The following MILR1 variants were observed in gnomAD, a reference collection of about 807,000 sequenced individuals.
MILR1 encodes mast cell immunoglobulin like receptor 1.
MILR1 carries 31 observed loss-of-function variants against 18.5 expected under a neutral mutation model. The observed-to-expected ratio is 1.68, with a 90% CI of 1.26 to 2.26. The LOEUF (loss-of-function observed/expected upper bound fraction) is 2.26. Ranked by LOEUF, MILR1 falls within the 30% of genes most tolerant of loss-of-function variation. The probability of loss-of-function intolerance (pLI) is 0.00; values close to 1 mark genes in which losing one functional copy is unlikely to be tolerated. For synonymous variants in MILR1, 85 were observed against 56.2 expected, an observed-to-expected ratio of 1.51 and a Z score of -2.30; for missense variants, 257 against 157.4, an observed-to-expected ratio of 1.63 and a Z score of -3.38.
the MILR1 span, among the ~76,000 whole-genome samples, chr17:64,497,240 T>A: frequency 6.6e-6 from 1 of 152,238 alleles, no homozygotes; most frequent in African/African-American, 2.4e-5. Context: ...TCTTTCCTCG[T>A]AAGCACCAGT....
chr17:64,452,782 GC>G lies in MILR1; in HGVS notation c.286del (p.His96MetfsTer30). 2.1e-6 allele frequency: 1 copy of G among 475,200 alleles called. No individual in the cohort carries two copies. The highest frequency in any genetic ancestry group is 3.9e-6 in the Non-Finnish European group (1 of 259,028). 29.4% of individuals were successfully genotyped at this position (475,200 alleles called of 1,614,324 possible). A position where few individuals can be genotyped will look rare whatever the true frequency, so the allele number is the denominator to read the frequency against. On this transcript the variant is annotated frameshift_variant, in exon 3 of 10. Coordinates refer to ENST00000619286, the MANE Select transcript of MILR1 (RefSeq NM_001085423.2). LOFTEE classifies it high-confidence loss of function. ...PAIFNLSITE[A>X]HESGPYKCKA... ...GATTTTTAACCTAAGCATCACAGAA[GC>G]CCATGAATCAGGCCCCTACAAATGC...
At chr17:64,481,213 T>C in the MILR1 span, 20 of 909,516 alleles carry the variant, frequency 2.2e-5, no homozygotes, top group Non-Finnish European at 2.5e-5. Context: ...AGGAGCTTCC[T>C]AGCTTATAAG....
At chr17:64,464,332 A>ACTC (rs1210859007) in intron 5 of MILR1, among the ~76,000 whole-genome samples, 3 of 136,098 alleles carry the variant, frequency 2.2e-5, no homozygotes, top group African/African-American at 8.3e-5. Flanking sequence ...CTAGTCTTGA[A>ACTC]CTCCTGGACT....
chr17:64,485,392 G>C, the MILR1 span: 1 of 301,982 alleles, frequency 3.3e-6, no homozygotes, highest in Non-Finnish European at 6.3e-6. Context: ...CCTGATCCGG[G>C]TCTTTCTTCC....
At chr17:64,480,384 A>T in the MILR1 span, 16 of 1,509,782 alleles carry the variant, frequency 1.1e-5, no homozygotes, top group Admixed American at 2.5e-4. Flanking sequence ...ATAGCCCTTG[A>T]CAAACCTAGA....
At chr17:64,470,839 G>C (rs1409066251), downstream of MILR1, among the ~76,000 whole-genome samples, 3 of 152,172 alleles carry the variant, frequency 2.0e-5, no homozygotes, top group East Asian at 5.8e-4. Flanking sequence ...ATCTTCTAAG[G>C]CAGCTAAGAG....
the MILR1 span, chr17:64,485,853 T>C: frequency 6.2e-7 from 1 of 1,614,154 alleles, no homozygotes; most frequent in Non-Finnish European, 8.5e-7. Flanking sequence ...ACCACATTTT[T>C]TCGTCCATCT....
Position 64,465,544 on chromosome 17 carries a change from A to C in MILR1, c.853+3A>C. The C allele has an allele frequency of 6.2e-7, 1 of 1,603,044 alleles. No homozygotes were observed. Among genetic ancestry groups the C allele is most frequent in the South Asian group, 1.1e-5 (1 of 88,680 alleles). On this transcript the variant is annotated splice_donor_region_variant and intron_variant, in intron 6 of 9. Transcript: ENST00000619286. The stretch of plus-strand genomic sequence containing the variant: ...AAATATCCTTGAAAAACAAGCAAGT[A>C]AGAGAACTTTGTTGCGTGTTTTGGG...
chr17:64,472,500 A>G (rs2037705132), downstream of MILR1, among the ~76,000 whole-genome samples: 1 of 145,314 alleles, frequency 6.9e-6, no homozygotes, highest in Admixed American at 6.9e-5. Flanking sequence ...AAAAAAAAGA[A>G]TAACTAGGGA....
In MILR1 at chr17:64,466,474, CCG is replaced by C. The variant is rs782330132; in HGVS notation, c.887_888del (p.Pro296LeufsTer8). The C allele has an allele frequency of 9.9e-6, 16 of 1,613,800 alleles. No individual in the cohort carries two copies. Among genetic ancestry groups the C allele is most frequent in the Non-Finnish European group, 1.4e-5 (16 of 1,179,810 alleles). On this transcript the variant is annotated frameshift_variant, in exon 7 of 10. Transcript: ENST00000619286. LOFTEE classifies it high-confidence loss of function. The part of the protein sequence containing the change: ...EESVPEVGSR[P>X]CVSTAQDEAK... Reference sequence around the variant, plus strand: ...ATCTGTGCCAGAAGTGGGATCCAGGCCGTGTGTTTCCACAGCCCAAGATGGTG... The same window carrying C: ...ATCTGTGCCAGAAGTGGGATCCAGGCTGTGTTTCCACAGCCCAAGATGGTG...
chr17:64,491,576 G>A, the MILR1 span: 3 of 1,552,000 alleles, frequency 1.9e-6, no homozygotes, highest in South Asian at 2.2e-5. Context: ...TCAAACTAGG[G>A]GAGCTGCCAA....
chr17:64,466,865 G>T (rs1333041790), intron 8 of MILR1, among the ~76,000 whole-genome samples: 1 of 152,110 alleles, frequency 6.6e-6, no homozygotes, highest in African/African-American at 2.4e-5. Context: ...AGGGAAAGAT[G>T]TGGTGGGGGA....
chr17:64,474,640 A>G, the MILR1 span, among the ~76,000 whole-genome samples: 2 of 151,734 alleles, frequency 1.3e-5, no homozygotes, highest in Admixed American at 1.3e-4. Flanking sequence ...CTCCCAAAGT[A>G]TTGGGATTAC....
At chr17:64,467,448 A>G (rs2037599555) in intron 8 of MILR1, 117 bp from the exon 9 acceptor site, 2 of 646,212 alleles carry the variant, frequency 3.1e-6, no homozygotes, top group Non-Finnish European at 5.5e-6. Context: ...ACAGTCCAGG[A>G]AAAAATTAGT....
chr17:64,484,731 C>A, the MILR1 span, among the ~76,000 whole-genome samples: 1 of 152,222 alleles, frequency 6.6e-6, no homozygotes, highest in Non-Finnish European at 1.5e-5. Context: ...CATTTATAAA[C>A]CCCATTCCCC....
At chr17:64,492,986 C>A in the MILR1 span, 1 of 1,614,024 alleles carries the variant, frequency 6.2e-7, no homozygotes, top group Non-Finnish European at 8.5e-7. Flanking sequence ...CTCTTGTTTA[C>A]CAGATCCAGG....
chr17:64,475,734 C>G, the MILR1 span, among the ~76,000 whole-genome samples: 1 of 150,494 alleles, frequency 6.6e-6, no homozygotes, highest in African/African-American at 2.4e-5. Flanking sequence ...CTTTAATGAA[C>G]TCACCACTTG....
At chr17:64,480,029 A>G in the MILR1 span, among the ~76,000 whole-genome samples, 1 of 152,206 alleles carries the variant, frequency 6.6e-6, no homozygotes, top group Non-Finnish European at 1.5e-5. Flanking sequence ...TTTCATCCAT[A>G]AGTGGATAAG....
At chr17:64,494,589 C>A in the MILR1 span, among the ~76,000 whole-genome samples, 1 of 152,102 alleles carries the variant, frequency 6.6e-6, no homozygotes, top group Non-Finnish European at 1.5e-5. Flanking sequence ...CCCCCGCCCC[C>A]GACCTCTAGG....
Sources: allele counts gnomAD v4.1 joint callset (sites outside exome capture counted in the v4.1 genomes callset), GRCh38; gene constraint gnomAD v4.1.1; transcripts MANE v1.5; gene names NCBI Gene and HGNC (gene_info 2026-07-23, HGNC 2026-07-21).